TBC1D15: variants seen among roughly 807,000 people sequenced by gnomAD.
The protein encoded by TBC1D15 is GAP for RAB7.
TBC1D15 carries 39 observed loss-of-function variants against 95.4 expected under a neutral mutation model. The observed-to-expected ratio is 0.41, with a 90% CI of 0.32 to 0.53. TBC1D15 has a LOEUF of 0.53. Among genes scored for constraint, TBC1D15 ranks in the 20% least tolerant of loss-of-function variants. The pLI, the probability that TBC1D15 is intolerant of heterozygous loss-of-function variation, is 0.29. For synonymous variants in TBC1D15, 258 were observed against 261.3 expected (o/e 0.99, Z 0.12); for missense variants, 733 against 794.3 (o/e 0.92, Z 0.93).
chr12:71,864,216 C>T (rs955015279), intron 1 of TBC1D15, among the ~76,000 whole-genome samples: 3 of 151,998 alleles, frequency 2.0e-5, no homozygotes, highest in South Asian at 2.1e-4. Context: ...ACTACAGGCA[C>T]GTGCCACCAT....
intron 1 of TBC1D15, among the ~76,000 whole-genome samples, chr12:71,870,201 T>A (rs1892369052): frequency 6.6e-6 from 1 of 152,196 alleles, no homozygotes. Context: ...TTTGATAATT[T>A]TCCTATTTGT....
Position 71,855,944 on chromosome 12 carries a change from G to C in TBC1D15, c.31-16126G>C, listed in dbSNP as rs551771196. Among the ~76,000 whole-genome samples the C allele has an allele frequency of 6.4e-3, 929 of 145,640 alleles. 4 individuals are homozygous for C. Among genetic ancestry groups the C allele is most frequent in the African/African-American group, 0.017 (684 of 39,362 alleles). The stretch of plus-strand genomic sequence containing the variant: ...CTTGTTATTGTATGTGGTTTTTTTT[G>C]GGGGGGGGTATCTTGTTCAAATTTC... On this transcript the variant is annotated intron_variant, in intron 1 of 16. Transcript: ENST00000485960.
At chr12:71,856,187 G>T (rs1889022276) in intron 1 of TBC1D15, among the ~76,000 whole-genome samples, 1 of 152,114 alleles carries the variant, frequency 6.6e-6, no homozygotes, top group African/African-American at 2.4e-5. Context: ...ATGTATTTTA[G>T]ATAAGTTTTT....
At chr12:71,871,050 C>G (rs1892564188) in intron 1 of TBC1D15, among the ~76,000 whole-genome samples, 1 of 152,006 alleles carries the variant, frequency 6.6e-6, no homozygotes, top group African/African-American at 2.4e-5. Flanking sequence ...CTGTTTTTTA[C>G]TTATTTTCAT....
intron 10 of TBC1D15, among the ~76,000 whole-genome samples, chr12:71,903,204 A>G (rs1040460221): frequency 2.6e-5 from 4 of 152,170 alleles, no homozygotes; most frequent in African/African-American, 9.7e-5. Context: ...GTGAGTTACC[A>G]TGCCTGGCTG....
intron 10 of TBC1D15, among the ~76,000 whole-genome samples, chr12:71,899,354 G>C (rs928202682): frequency 6.6e-6 from 1 of 152,158 alleles, no homozygotes; most frequent in Non-Finnish European, 1.5e-5. Flanking sequence ...TTAGTCAGTT[G>C]TCTTAAGCCA....
At chr12:71,877,338 CT>C (rs959248729) in intron 3 of TBC1D15, among the ~76,000 whole-genome samples, 2 of 148,322 alleles carry the variant, frequency 1.3e-5, no homozygotes, top group African/African-American at 5.0e-5. Context: ...TTGATGAGCT[CT>C]TTTAATATGG....
chr12:71,884,667 A>G, intron 4 of TBC1D15, 144 bp from the exon 5 acceptor site: 1 of 627,236 alleles, frequency 1.6e-6, no homozygotes, highest in Non-Finnish European at 2.8e-6. Context: ...AGCCATATCT[A>G]ATACAGGTGG....
intron 1 of TBC1D15, chr12:71,849,720 C>CG (rs1322356194): frequency 3.6e-6 from 2 of 549,854 alleles, no homozygotes; most frequent in East Asian, 4.2e-5. Flanking sequence ...TTCAAAGACT[C>CG]GGGGGTCACT....
chr12:71,912,883 T>A (rs1217951582), intron 11 of TBC1D15, among the ~76,000 whole-genome samples: 1 of 152,126 alleles, frequency 6.6e-6, no homozygotes, highest in Non-Finnish European at 1.5e-5. Flanking sequence ...TCGTGTCCCT[T>A]CATTGGTTCA....
rs990356743 is a variant in TBC1D15, at chr12:71,923,849, A to T, written c.*645A>T. 6.6e-6 allele frequency: 1 copy of T among 152,590 alleles called. No homozygotes were observed. Among genetic ancestry groups the T allele is most frequent in the Non-Finnish European group, 1.5e-5 (1 of 68,022 alleles). The allele number at this position is 152,590 out of a possible 1,614,324, so 9.5% of individuals were successfully genotyped here. On this transcript the variant is annotated 3_prime_UTR_variant, in exon 17 of 17. Transcript: ENST00000485960. Reference sequence around the variant, plus strand: ...TATATATAAGTACTTATTTATGAGTATAAGAAAGGTTAGGCATATTTTCAT... The same window carrying T: ...TATATATAAGTACTTATTTATGAGTTTAAGAAAGGTTAGGCATATTTTCAT...
intron 5 of TBC1D15, among the ~76,000 whole-genome samples, 193 bp from the exon 6 acceptor site, chr12:71,893,029 T>A (rs78627959): frequency 0.016 from 2,494 of 151,902 alleles, 75 homozygotes; most frequent in African/African-American, 0.058. Flanking sequence ...GTTAATTTTG[T>A]ATTTTATGTT....
At chr12:71,856,408 C>A (rs760554982) in intron 1 of TBC1D15, among the ~76,000 whole-genome samples, 3 of 152,130 alleles carry the variant, frequency 2.0e-5, no homozygotes, top group Middle Eastern at 3.4e-3. Flanking sequence ...ATGCATGGTG[C>A]TGATTCTTTG....
At chr12:71,850,114 A>G in intron 1 of TBC1D15, 1 of 524,954 alleles carries the variant, frequency 1.9e-6, no homozygotes, top group Non-Finnish European at 3.7e-6. Context: ...CTCTGGAGTT[A>G]TCTCAGCTTT....
intron 10 of TBC1D15, among the ~76,000 whole-genome samples, chr12:71,901,906 A>T (rs1308229205): frequency 6.6e-6 from 1 of 152,162 alleles, no homozygotes; most frequent in Non-Finnish European, 1.5e-5. Flanking sequence ...AGTATACAAA[A>T]TCGATGTGCA....
intron 1 of TBC1D15, chr12:71,849,188 A>C (rs572938023): frequency 7.0e-4 from 223 of 318,404 alleles, no homozygotes; most frequent in African/African-American, 3.1e-3. Context: ...ACAAAAAAAA[A>C]ACAAAAAACT....
At chr12:71,919,581 A>G (rs73336888) in intron 14 of TBC1D15, among the ~76,000 whole-genome samples, 4,185 of 152,270 alleles carry the variant, frequency 0.027, 195 homozygotes, top group African/African-American at 0.094. Context: ...AAAGTGGATT[A>G]CTTTATGCTC....
At chr12:71,893,440 ATG>A (rs76543669) in intron 6 of TBC1D15, 116 bp downstream of exon 6, 1,808 of 458,716 alleles carry the variant, frequency 3.9e-3, no homozygotes, top group East Asian at 5.6e-3. Flanking sequence ...ATACATAGAT[ATG>A]TGTGTGTGTG....
intron 1 of TBC1D15, among the ~76,000 whole-genome samples, chr12:71,843,792 C>T (rs1220598721): frequency 6.6e-6 from 1 of 152,170 alleles, no homozygotes; most frequent in Non-Finnish European, 1.5e-5. Context: ...CTTCGCTTGG[C>T]ACACCAATAT....
Sources: gnomAD v4.1 joint callset for allele counts (sites outside exome capture counted in the v4.1 genomes callset) on GRCh38, gnomAD v4.1.1 for gene constraint, MANE v1.5 for transcripts, NCBI Gene and HGNC (gene_info 2026-07-23, HGNC 2026-07-21) for gene names.